Variants in DPCD observed in about 807,000 individuals in gnomAD.
The protein encoded by DPCD is protein DPCD.
Under a neutral mutation model 26.4 loss-of-function variants are expected in DPCD, and 20 were observed. The ratio of observed to expected loss-of-function variants is 0.76; its 90% CI spans 0.53 to 1.10. The LOEUF is 1.10. Ranked by LOEUF, DPCD falls within the 50% of genes least tolerant of loss-of-function variation. The pLI is 0.00. For missense variants in DPCD, 202 were observed against 253.9 expected (o/e 0.80, Z 1.39); for synonymous variants, 97 against 94.2 (o/e 1.03, Z -0.17).
chr10:101,597,348 A>G (rs1224929028), intron 2 of DPCD, among the ~76,000 whole-genome samples: 2 of 152,276 alleles, frequency 1.3e-5, no homozygotes, highest in Admixed American at 1.3e-4. Flanking sequence ...TTTAATTGCC[A>G]CATAGCAATG....
chr10:101,598,879 C>T (rs1053274772), intron 2 of DPCD, among the ~76,000 whole-genome samples: 1 of 152,158 alleles, frequency 6.6e-6, no homozygotes, highest in African/African-American at 2.4e-5. Context: ...CTTGGCCTCC[C>T]AAAGTGCTGG....
chr10:101,591,005 G>A (rs1215456525), intron 1 of DPCD, among the ~76,000 whole-genome samples: 1 of 152,166 alleles, frequency 6.6e-6, no homozygotes, highest in Non-Finnish European at 1.5e-5. Flanking sequence ...CCCTTTACTT[G>A]TTTGGATCCT....
intron 4 of DPCD, chr10:101,605,166 C>T (rs1272463855): frequency 6.4e-7 from 1 of 1,550,388 alleles, no homozygotes; most frequent in African/African-American, 1.4e-5. Context: ...CTTCTCTGGA[C>T]CCCTCTGGCC....
chr10:101,595,378 A>C (rs1182060727), intron 2 of DPCD, among the ~76,000 whole-genome samples: 4 of 152,186 alleles, frequency 2.6e-5, no homozygotes. Context: ...GCACATCAGC[A>C]TTAACCAGCT....
chr10:101,588,691 C>T lies in DPCD; in HGVS notation c.64+291C>T, dbSNP rs550981795. ...ATCTCATTTGCTCCTCACCACTGTCCTGAGAGGCTAATTTTCACCCCGTTT... is the reference window on the plus strand; with the variant it reads ...ATCTCATTTGCTCCTCACCACTGTCTTGAGAGGCTAATTTTCACCCCGTTT... On this transcript the variant is annotated intron_variant, in intron 1 of 5. Transcript: ENST00000370151. 8.3e-4 allele frequency: 941 copies of T among 1,139,982 alleles called. 2 individuals carry two copies. The highest frequency in any genetic ancestry group is 9.5e-4 in the Non-Finnish European group (878 of 926,522). 70.6% of individuals were successfully genotyped at this position (1,139,982 alleles called of 1,614,324 possible).
chr10:101,594,782 G>T (rs777123331), intron 2 of DPCD, 44 bp downstream of exon 2: 2 of 1,570,290 alleles, frequency 1.3e-6, no homozygotes, highest in Non-Finnish European at 1.8e-6. Context: ...AATACTTGGG[G>T]CTGACATAAG....
chr10:101,605,559 G>A (rs192137215), intron 4 of DPCD, among the ~76,000 whole-genome samples: 1 of 152,170 alleles, frequency 6.6e-6, no homozygotes, highest in South Asian at 2.1e-4. Context: ...CACAAGGCAG[G>A]GCCAGGAGTT....
chr10:101,589,517 C>T (rs916575988), intron 1 of DPCD, among the ~76,000 whole-genome samples: 1 of 152,186 alleles, frequency 6.6e-6, no homozygotes, highest in Non-Finnish European at 1.5e-5. Context: ...CCAAAGTGGG[C>T]GGATCATTTG....
At chr10:101,589,611 G>A (rs986826341) in intron 1 of DPCD, among the ~76,000 whole-genome samples, 1 of 152,170 alleles carries the variant, frequency 6.6e-6, no homozygotes, top group African/African-American at 2.4e-5. Flanking sequence ...CGGATGTGGT[G>A]GTTCACGCCT....
At chr10:101,590,850 A>G (rs976098102) in intron 1 of DPCD, among the ~76,000 whole-genome samples, 2 of 152,158 alleles carry the variant, frequency 1.3e-5, no homozygotes, top group African/African-American at 4.8e-5. Flanking sequence ...CTGCTCTAGG[A>G]ACCTCGTCTA....
chr10:101,591,937 C>T (rs1284789528), intron 1 of DPCD, among the ~76,000 whole-genome samples: 11 of 152,134 alleles, frequency 7.2e-5, no homozygotes, highest in Admixed American at 2.6e-4. Context: ...CCGCCTGCAT[C>T]GGCTTCCCAA....
chr10:101,608,964 A>T, intron 5 of DPCD, 27 bp downstream of exon 5: 2 of 1,558,246 alleles, frequency 1.3e-6, no homozygotes, highest in Admixed American at 3.3e-5. Context: ...CTTCTTGGAC[A>T]CTGCATCAGG....
rs773833827 is a variant in DPCD, at chr10:101,608,914, G to A, written c.484G>A (p.Ala162Thr). Residue 162 changes from alanine to threonine, a missense_variant, in exon 5 of 6, where the codon GCC becomes ACC. Ala to Thr is a moderately conservative substitution (Grantham distance 58). This residue lies in a region of DPCD where 118 missense variants were observed against 145.1 expected (regional missense o/e 0.81). Transcript: ENST00000370151. ...TGACGCCTTGCTGAGCTTTGCCCAC[G>A]CCAACTGCACCCTGATCATCTCTGT... ...LDDALLSFAH[A>T]NCTLIISYQK... The A allele has an allele frequency of 3.9e-5, 63 of 1,613,042 alleles. No homozygotes were observed. In the East Asian group the frequency reaches 4.2e-4, roughly 11 times the overall value.
rs2063686499 is a variant in DPCD, at chr10:101,600,590, G to T, written c.146-148G>T. Reference sequence around the variant, plus strand: ...TGAGGTCCCTCCTTAGATTAACAAAGCTGAGAGTAAAGGCCCAACACTCCC... The same window carrying T: ...TGAGGTCCCTCCTTAGATTAACAAATCTGAGAGTAAAGGCCCAACACTCCC... On this transcript the variant is annotated intron_variant, in intron 2 of 5. Transcript: ENST00000370151. This position sits in a 1 kb window ranked among gnomAD's most constrained non-coding sequence, Gnocchi z 4.7. 4.9e-6 allele frequency: 6 copies of T among 1,236,884 alleles called. No individual in the cohort carries two copies. Among genetic ancestry groups the T allele is most frequent in the Non-Finnish European group, 6.6e-6 (6 of 903,610 alleles). The allele number at this position is 1,236,884 out of a possible 1,614,324, so 76.6% of individuals were successfully genotyped here.
chr10:101,592,537 T>C (rs2063617933), intron 1 of DPCD, among the ~76,000 whole-genome samples: 1 of 151,610 alleles, frequency 6.6e-6, no homozygotes, highest in African/African-American at 2.4e-5. Flanking sequence ...CTGGGTAACA[T>C]AGTAAGACCC....
At chr10:101,606,226 A>G (rs2063731972) in intron 4 of DPCD, among the ~76,000 whole-genome samples, 1 of 151,878 alleles carries the variant, frequency 6.6e-6, no homozygotes, top group Non-Finnish European at 1.5e-5. Flanking sequence ...CAGTGGCACG[A>G]TCTTGGCTCA....
intron 1 of DPCD, 58 bp downstream of exon 1, chr10:101,588,458 G>T (rs1326460708): frequency 5.2e-6 from 8 of 1,550,310 alleles, no homozygotes; most frequent in Non-Finnish European, 7.0e-6. Flanking sequence ...CCGGCCCTCC[G>T]GGAAGGGCCT....
Position 101,601,246 on chromosome 10 carries a change from G to A in DPCD, c.314G>A (p.Arg105Gln), listed in dbSNP as rs147834642. ...GACACCAAGATGAGTTTCCAGTGGC[G>A]GATTCGAAACCTCCCCTATCCTAAG... ...RKDTKMSFQW[R>Q]IRNLPYPKDV... Residue 105 changes from arginine (R) to glutamine (Q), a missense_variant, in exon 4 of 6, where the codon CGG becomes CAG. Physicochemically the swap from Arg to Gln is conservative, Grantham distance 43 (BLOSUM62 1). This residue lies in a region of DPCD where 118 missense variants were observed against 145.1 expected (regional missense o/e 0.81). Coordinates refer to ENST00000370151, the MANE Select transcript of DPCD (RefSeq NM_015448.3). The A allele has an allele frequency of 1.2e-5, 19 of 1,613,568 alleles. No individual in the cohort carries two copies. The African/African-American group carries it at 1.5e-4, about 12-fold the overall frequency.
chr10:101,597,343 T>C (rs2063660792), intron 2 of DPCD, among the ~76,000 whole-genome samples: 1 of 152,244 alleles, frequency 6.6e-6, no homozygotes, highest in Non-Finnish European at 1.5e-5. Context: ...AGCTGTTTAA[T>C]TGCCACATAG....
Sources: gnomAD v4.1 joint callset for allele counts (sites outside exome capture counted in the v4.1 genomes callset) on GRCh38, gnomAD v4.1.1 for gene constraint, gnomAD v4.1.1 regional missense constraint, Gnocchi (gnomAD v3.1) non-coding constraint, MANE v1.5 for transcripts, NCBI Gene and HGNC (gene_info 2026-07-23, HGNC 2026-07-21) for gene names.